VPS26C: variants seen among roughly 807,000 people sequenced by gnomAD.
VPS26C encodes the protein VPS26 endosomal protein sorting factor C, also known as vacuolar protein sorting-associated protein 26C.
A neutral mutation model predicts 30.6 loss-of-function variants in VPS26C; 19 were observed. That is an observed-to-expected ratio of 0.62 (90% confidence interval 0.43 to 0.91). The LOEUF (loss-of-function observed/expected upper bound fraction) is 0.91, where lower values mean the gene tolerates loss of function less well. Among genes scored for constraint, VPS26C ranks in the 40% least tolerant of loss-of-function variants. The probability of loss-of-function intolerance (pLI) is 0.00; values close to 1 mark genes in which losing one functional copy is unlikely to be tolerated. For missense variants in VPS26C, 318 were observed against 385.1 expected, an observed-to-expected ratio of 0.83 and a Z score of 1.46; for synonymous variants, 132 against 151.5, an observed-to-expected ratio of 0.87 and a Z score of 0.95.
At chr21:37,261,613 A>G (rs1002552004) in intron 1 of VPS26C, 17 of 151,870 alleles carry the variant, frequency 1.1e-4, no homozygotes, top group African/African-American at 2.9e-4. Context: ...AGTTGTTGCT[A>G]TAACAGAAAC....
At chr21:37,241,443 G>A (rs1215994190) in intron 1 of VPS26C, among the ~76,000 whole-genome samples, 1 of 152,156 alleles carries the variant, frequency 6.6e-6, no homozygotes, top group Non-Finnish European at 1.5e-5. Flanking sequence ...TCTGTTACAG[G>A]GGCTCGAGTG....
At chr21:37,256,739 T>C (rs1341245694) in intron 1 of VPS26C, among the ~76,000 whole-genome samples, 1 of 152,246 alleles carries the variant, frequency 6.6e-6, no homozygotes, top group African/African-American at 2.4e-5. Flanking sequence ...AAGTGTTCTG[T>C]GTAGCTAAGT....
At chr21:37,263,218 T>G (rs188067812) in intron 1 of VPS26C, among the ~76,000 whole-genome samples, 4 of 152,332 alleles carry the variant, frequency 2.6e-5, no homozygotes, top group Non-Finnish European at 2.9e-5. Flanking sequence ...ATCAAGCCAT[T>G]TTCAAATGCT....
At chr21:37,242,543 G>A (rs939088228) in intron 1 of VPS26C, among the ~76,000 whole-genome samples, 1 of 152,112 alleles carries the variant, frequency 6.6e-6, no homozygotes, top group Non-Finnish European at 1.5e-5. Flanking sequence ...CCATGAATGA[G>A]CCACTGCACT....
intron 1 of VPS26C, 43 bp from the exon 2 acceptor site, chr21:37,240,682 C>T: frequency 6.2e-7 from 1 of 1,600,932 alleles, no homozygotes; most frequent in East Asian, 2.2e-5. Context: ...AGCATGCTTC[C>T]TCCATTCTAC....
chr21:37,227,859 C>T, intron 6 of VPS26C, 53 bp from the exon 7 acceptor site: 2 of 1,600,954 alleles, frequency 1.2e-6, no homozygotes, highest in Non-Finnish European at 1.7e-6. Flanking sequence ...GCTGCGGGGT[C>T]CACATCCGCA....
chr21:37,235,783 C>T (rs1407144822), intron 3 of VPS26C, among the ~76,000 whole-genome samples: 1 of 147,756 alleles, frequency 6.8e-6, no homozygotes, highest in Non-Finnish European at 1.5e-5. Context: ...GAAAGCCAAG[C>T]CTCTGGAAGT....
At chr21:37,227,588 G>C in intron 7 of VPS26C, 66 bp downstream of exon 7, 1 of 1,571,740 alleles carries the variant, frequency 6.4e-7, no homozygotes, top group Non-Finnish European at 8.7e-7. Flanking sequence ...GTGACCCACA[G>C]CAGGCCCTGG....
chr21:37,266,971 G>T (rs1476201218), intron 1 of VPS26C: 2 of 531,942 alleles, frequency 3.8e-6, no homozygotes, highest in Non-Finnish European at 6.7e-6. Context: ...GAAGAGCGCA[G>T]CCCCGGAGCT....
chr21:37,236,375 G>A (rs1286554604), intron 3 of VPS26C, among the ~76,000 whole-genome samples: 2 of 152,144 alleles, frequency 1.3e-5, no homozygotes, highest in African/African-American at 4.8e-5. Context: ...TGGATGGATG[G>A]ATGATGACAG....
In VPS26C at chr21:37,240,616, G is replaced by T; in HGVS notation, c.81C>A (p.Val27=). ...HAGEVLSGVV[V]ISSKDSVQHQ... ...GTTGGACTGAATCCTTACTCGATAT[G>T]ACCACCACGCCAGAGAGCACTTCCT... The change falls in exon 2 of 8, where the codon GTC becomes GTA. Residue 27 remains valine, a synonymous_variant. Transcript: ENST00000309117. 1 of 1,614,060 alleles carries T rather than the reference G, an allele frequency of 6.2e-7. No homozygotes were observed. The highest frequency in any genetic ancestry group is 1.1e-5 in the South Asian group (1 of 91,056).
At chr21:37,252,838 A>C (rs906787264) in intron 1 of VPS26C, among the ~76,000 whole-genome samples, 38 of 152,378 alleles carry the variant, frequency 2.5e-4, no homozygotes, top group African/African-American at 8.2e-4. Context: ...TACAAAGCAC[A>C]TAATCATATT....
chr21:37,232,336 G>C (rs1569232331), intron 5 of VPS26C, 41 bp downstream of exon 5: 1 of 1,577,332 alleles, frequency 6.3e-7, no homozygotes. Flanking sequence ...TCTGGCTGCT[G>C]GGAAGATACC....
Position 37,226,562 on chromosome 21 carries a change from T to C in VPS26C, c.812-936A>G, listed in dbSNP as rs181704154. On this transcript the variant is annotated intron_variant, in intron 7 of 7. Transcript: ENST00000309117. This position sits in a 1 kb window ranked among gnomAD's most constrained non-coding sequence, Gnocchi z 4.1. ...CCTCTTGTTGTGCCCCCCAGAAGGG[T>C]GGAGGGTGTGGCTGGAGTGGACAGA... The C allele has an allele frequency of 3.3e-5, 5 of 152,026 alleles. No homozygotes were observed. The highest frequency in any genetic ancestry group is 2.6e-4 in the Admixed American group (4 of 15,272). 9.4% of individuals were successfully genotyped at this position (152,026 alleles called of 1,614,324 possible). A position where few individuals can be genotyped will look rare whatever the true frequency, so the allele number is the denominator to read the frequency against.
rs115080062 is a variant in VPS26C, at chr21:37,244,797, G to A, written c.58-4158C>T. Among the ~76,000 whole-genome samples, 817 of 152,252 alleles carry A rather than the reference G, an allele frequency of 5.4e-3. 5 individuals are homozygous for A. The highest frequency in any genetic ancestry group is 0.018 in the African/African-American group (740 of 41,540). ...TAAAAGAAGTGAAGACTGAGCAGGG[G>A]GACGTGATGAAAAACGGAAAGAAGG... On this transcript the variant is annotated intron_variant, in intron 1 of 7. Coordinates refer to ENST00000309117, the MANE Select transcript of VPS26C (RefSeq NM_006052.2).
At chr21:37,246,706 T>G (rs1440007841) in intron 1 of VPS26C, among the ~76,000 whole-genome samples, 1 of 152,232 alleles carries the variant, frequency 6.6e-6, no homozygotes, top group Non-Finnish European at 1.5e-5. Context: ...AGTAGTATAA[T>G]GTACATGGCT....
At chr21:37,234,778 C>T (rs1354159227) in intron 3 of VPS26C, among the ~76,000 whole-genome samples, 1 of 152,040 alleles carries the variant, frequency 6.6e-6, no homozygotes, top group Non-Finnish European at 1.5e-5. Context: ...GAGAGTAAAA[C>T]ATTGTTTAAA....
In VPS26C at chr21:37,228,304, G is replaced by C; in HGVS notation, c.577C>G (p.Leu193Val). The change falls in exon 6 of 8, where the codon CTA becomes GTA. Residue 193 changes from leucine to valine, a missense_variant. By Grantham distance (32) the Leu-to-Val change is conservative (BLOSUM62 1). Coordinates refer to ENST00000309117, the MANE Select transcript of VPS26C (RefSeq NM_006052.2). ...NSTNCVITQP[L>V]TGELVVESSE... The stretch of plus-strand genomic sequence containing the variant: ...CTCTCCACCACCAGCTCTCCCGTTA[G>C]TGGCTGCGTGATGACACAGTTTGTT... 1 of 1,614,212 alleles carries C rather than the reference G, an allele frequency of 6.2e-7. No individual in the cohort carries two copies. Among genetic ancestry groups the C allele is most frequent in the Non-Finnish European group, 8.5e-7 (1 of 1,180,036 alleles).
intron 1 of VPS26C, among the ~76,000 whole-genome samples, chr21:37,260,532 T>C (rs1272823404): frequency 3.3e-5 from 5 of 152,054 alleles, no homozygotes; most frequent in African/African-American, 1.2e-4. Context: ...AATAAAATAC[T>C]TAAAAAAAGA....
Sources: allele counts gnomAD v4.1 joint callset (sites outside exome capture counted in the v4.1 genomes callset), GRCh38; gene constraint gnomAD v4.1.1; non-coding constraint Gnocchi (gnomAD v3.1); transcripts MANE v1.5; gene names NCBI Gene and HGNC (gene_info 2026-07-23, HGNC 2026-07-21).